The following TRDN variants were observed in gnomAD, a reference collection of about 807,000 sequenced individuals.
The protein encoded by TRDN is triadin in skeletal muscle.
In TRDN, 161 loss-of-function variants were observed where a neutral mutation model predicts 149.7. That is an observed-to-expected ratio of 1.08 (90% CI 0.95 to 1.23). The LOEUF is 1.23. Among genes scored for constraint, TRDN ranks in the 50% most tolerant of loss-of-function variants. The pLI, the probability that TRDN is intolerant of heterozygous loss-of-function variation, is 0.00. For missense variants in TRDN, 896 were observed against 823.5 expected (o/e 1.09, Z -1.08); for synonymous variants, 294 against 250.5 (o/e 1.17, Z -1.64).
chr6:123,574,801 C>T (rs554427043), intron 1 of TRDN, among the ~76,000 whole-genome samples: 1 of 145,158 alleles, frequency 6.9e-6, no homozygotes, highest in South Asian at 2.2e-4. Context: ...TGAGTTGAAT[C>T]CTGGTCACAT....
chr6:123,256,277 T>C (rs1423922637), intron 35 of TRDN, among the ~76,000 whole-genome samples: 1 of 152,202 alleles, frequency 6.6e-6, no homozygotes, highest in Admixed American at 6.5e-5. Flanking sequence ...CTCATTCATT[T>C]TTACGGCTTC....
At chr6:123,342,800 G>T (rs968720666) in intron 21 of TRDN, among the ~76,000 whole-genome samples, 1 of 151,944 alleles carries the variant, frequency 6.6e-6, no homozygotes, top group African/African-American at 2.4e-5. Context: ...AGTGAACAGG[G>T]TGCCTATCTG....
intron 24 of TRDN, among the ~76,000 whole-genome samples, chr6:123,297,427 C>A (rs978345276): frequency 6.6e-6 from 1 of 151,838 alleles, no homozygotes; most frequent in African/African-American, 2.4e-5. Flanking sequence ...AATAGAGAAC[C>A]AATAGAGAAG....
At chr6:123,405,391 C>T (rs1242088877) in intron 12 of TRDN, among the ~76,000 whole-genome samples, 1 of 152,222 alleles carries the variant, frequency 6.6e-6, no homozygotes, top group Non-Finnish European at 1.5e-5. Flanking sequence ...TCCATCATCT[C>T]AAGATGGTCT....
At chr6:123,400,009 G>T (rs953973873) in intron 12 of TRDN, among the ~76,000 whole-genome samples, 3 of 151,586 alleles carry the variant, frequency 2.0e-5, no homozygotes, top group African/African-American at 7.3e-5. Context: ...TGAAATAAAT[G>T]TTATGATTTG....
intron 8 of TRDN, among the ~76,000 whole-genome samples, chr6:123,500,748 G>C (rs1362839239): frequency 2.6e-5 from 4 of 151,982 alleles, no homozygotes; most frequent in Non-Finnish European, 5.9e-5. Flanking sequence ...ATACATTCTG[G>C]GTGCAGAATG....
chr6:123,301,822 C>T (rs901410909), intron 24 of TRDN, among the ~76,000 whole-genome samples: 1 of 120,432 alleles, frequency 8.3e-6, no homozygotes, highest in Non-Finnish European at 1.8e-5. Context: ...ATTCAATAAA[C>T]CATTTTGTCA....
At chr6:123,341,162 A>T (rs1373121835) in intron 21 of TRDN, among the ~76,000 whole-genome samples, 2 of 151,944 alleles carry the variant, frequency 1.3e-5, no homozygotes, top group African/African-American at 4.8e-5. Flanking sequence ...TACAATTATC[A>T]TGAAGGAAAT....
intron 20 of TRDN, among the ~76,000 whole-genome samples, chr6:123,363,045 A>C (rs1220054840): frequency 6.6e-6 from 1 of 152,186 alleles, no homozygotes; most frequent in Admixed American, 6.5e-5. Flanking sequence ...AAATTGACAC[A>C]TTACAGTGAA....
intron 7 of TRDN, among the ~76,000 whole-genome samples, chr6:123,507,048 T>C (rs77250353): frequency 0.046 from 7,022 of 152,238 alleles, 241 homozygotes; most frequent in Non-Finnish European, 0.071. Flanking sequence ...GCAATTTTGA[T>C]GGAGAGAGTA....
At chr6:123,571,883 A>G (rs1285200705) in intron 1 of TRDN, among the ~76,000 whole-genome samples, 1 of 152,036 alleles carries the variant, frequency 6.6e-6, no homozygotes, top group African/African-American at 2.4e-5. Flanking sequence ...ATGTAATTTT[A>G]TGGCTGTGCG....
At chr6:123,317,758 A>G (rs1405918489) in intron 23 of TRDN, among the ~76,000 whole-genome samples, 1 of 151,970 alleles carries the variant, frequency 6.6e-6, no homozygotes, top group African/African-American at 2.4e-5. Context: ...AAATATCAGC[A>G]CTGGGTGAAA....
chr6:123,536,687 CAA>C (rs1780551046), intron 4 of TRDN, among the ~76,000 whole-genome samples: 1 of 129,854 alleles, frequency 7.7e-6, no homozygotes, highest in African/African-American at 2.9e-5. Flanking sequence ...TCCATCTCTA[CAA>C]TAAATAAATA....
At chr6:123,236,271 A>G (rs1339489156) in intron 38 of TRDN, among the ~76,000 whole-genome samples, 1 of 152,162 alleles carries the variant, frequency 6.6e-6, no homozygotes, top group Non-Finnish European at 1.5e-5. Context: ...ATAATGTCAA[A>G]TATCTTTTCT....
intron 24 of TRDN, among the ~76,000 whole-genome samples, chr6:123,289,193 T>A (rs921416315): frequency 6.7e-6 from 1 of 149,356 alleles, no homozygotes; most frequent in Non-Finnish European, 1.5e-5. Context: ...TAGGATACTA[T>A]ACAGCCTTAA....
At chr6:123,339,095 C>G (rs1385065548) in intron 21 of TRDN, among the ~76,000 whole-genome samples, 3 of 151,832 alleles carry the variant, frequency 2.0e-5, no homozygotes, top group Admixed American at 2.0e-4. Context: ...TCACTGAAAT[C>G]CCAGGTTCAA....
At chr6:123,595,880 A>G (rs1377758463) in intron 1 of TRDN, among the ~76,000 whole-genome samples, 1 of 152,054 alleles carries the variant, frequency 6.6e-6, no homozygotes, top group Non-Finnish European at 1.5e-5. Flanking sequence ...CCCTCTCCTC[A>G]GACGTCCCTA....
rs1774972355 is a variant in TRDN at position 123,216,357 on chromosome 6, T to C, written c.*2244A>G. On this transcript the variant is annotated 3_prime_UTR_variant, in exon 41 of 41. Transcript: ENST00000334268. ...ATCAAACTTGGAAGATCTATAACTA[T>C]TTTATTAGACGGTAATATATAAACA... is the stretch of plus-strand genomic sequence containing the variant. 6.6e-6 allele frequency: 1 copy of C among 151,988 alleles called. No individual in the cohort carries two copies. The highest frequency in any genetic ancestry group is 2.4e-5 in the African/African-American group (1 of 41,444). The allele number at this position is 151,988 out of a possible 1,614,324, so 9.4% of individuals were successfully genotyped here.
chr6:123,305,676 CTTA>C (rs1346417648), intron 24 of TRDN, among the ~76,000 whole-genome samples: 3 of 152,090 alleles, frequency 2.0e-5, no homozygotes, highest in Non-Finnish European at 2.9e-5. Flanking sequence ...AACAAGATTC[CTTA>C]TTATTATGAG....
Sources: allele counts gnomAD v4.1 joint callset (sites outside exome capture counted in the v4.1 genomes callset), GRCh38; gene constraint gnomAD v4.1.1; transcripts MANE v1.5; gene names NCBI Gene and HGNC (gene_info 2026-07-23, HGNC 2026-07-21).